The following SLC25A47 variants were observed in gnomAD, a reference collection of about 807,000 sequenced individuals.
SLC25A47 encodes the protein HCC-down-regulated mitochondrial carrier protein.
A neutral mutation model predicts 29.8 loss-of-function variants in SLC25A47; 30 were observed. The observed-to-expected ratio is 1.01, with a 90% CI of 0.75 to 1.36. SLC25A47 has a LOEUF of 1.36. Ranked by LOEUF, SLC25A47 falls within the 40% of genes most tolerant of loss-of-function variation. The probability of loss-of-function intolerance (pLI) is 0.00; values close to 1 mark genes in which losing one functional copy is unlikely to be tolerated. For missense variants in SLC25A47, 430 were observed against 441.9 expected (o/e 0.97, Z 0.24); for synonymous variants, 204 against 197.8 (o/e 1.03, Z -0.26).
In SLC25A47 at chr14:100,328,755, C is replaced by T. The variant is rs968494934; in HGVS notation, c.357C>T (p.Ala119=). The T allele has an allele frequency of 1.9e-6, 3 of 1,612,912 alleles. No individual in the cohort carries two copies. In the African/African-American group the frequency reaches 4.0e-5, roughly 22 times the overall value. ...RVFLTSPTEV[A]KVRLQTQTQA... ...TCCTGACGTCGCCCACTGAGGTGGC[C>T]AAAGTCCGCTTGCAGACGCAGACAC... The change falls in exon 5 of 6, where the codon GCC becomes GCT. Residue 119 remains alanine (A), a synonymous_variant. Coordinates refer to ENST00000361529, the MANE Select transcript of SLC25A47 (RefSeq NM_207117.4).
In SLC25A47 at chr14:100,328,638, C is replaced by T. The variant is rs781537226; in HGVS notation, c.328-88C>T. On this transcript the variant is annotated intron_variant, in intron 4 of 5. Coordinates refer to ENST00000361529, the MANE Select transcript of SLC25A47 (RefSeq NM_207117.4). The stretch of plus-strand genomic sequence containing the variant: ...TCGGGGCCCAACCTCCTGAGGTCAC[C>T]GTGAGCAACATGAGGCTGGTGGGAG... 177 of 1,399,008 alleles carry T rather than the reference C, an allele frequency of 1.3e-4. 1 individual carries two copies. The highest frequency in any genetic ancestry group is 1.6e-4 in the Non-Finnish European group (160 of 989,818). The allele number at this position is 1,399,008 out of a possible 1,614,324, so 86.7% of individuals were successfully genotyped here.
rs138627280 is a variant in SLC25A47 at position 100,328,772 on chromosome 14, C to T, written c.374C>T (p.Thr125Met). 37 of 1,612,938 alleles carry T rather than the reference C, an allele frequency of 2.3e-5. No individual in the cohort carries two copies. The highest frequency in any genetic ancestry group is 2.1e-4 in the African/African-American group (16 of 75,044). Reference protein sequence around the residue: ...PTEVAKVRLQTQTQAQKQQRR... With the variant: ...PTEVAKVRLQMQTQAQKQQRR... Reference sequence around the variant, plus strand: ...GAGGTGGCCAAAGTCCGCTTGCAGACGCAGACACAGGCGCAGAAGCAGCAG... The same window carrying T: ...GAGGTGGCCAAAGTCCGCTTGCAGATGCAGACACAGGCGCAGAAGCAGCAG... Residue 125 changes from threonine (T) to methionine (M), a missense_variant, in exon 5 of 6, where the codon ACG becomes ATG. By Grantham distance (81) the Thr-to-Met change is moderately conservative. Transcript: ENST00000361529.
chr14:100,328,092 G>A (rs1566824993), intron 4 of SLC25A47, among the ~76,000 whole-genome samples: 1 of 151,434 alleles, frequency 6.6e-6, no homozygotes, highest in Non-Finnish European at 1.5e-5. Context: ...CCCACAAAGT[G>A]GCAGCCAGTA....
chr14:100,328,182 G>A (rs982007331), intron 4 of SLC25A47, among the ~76,000 whole-genome samples: 11 of 145,902 alleles, frequency 7.5e-5, no homozygotes, highest in Admixed American at 2.1e-4. Context: ...CACCATCTCC[G>A]CTCACTACAA....
chr14:100,329,225 A>T, intron 5 of SLC25A47, 140 bp from the exon 6 acceptor site: 1 of 1,195,404 alleles, frequency 8.4e-7, no homozygotes, highest in Non-Finnish European at 1.2e-6. Flanking sequence ...TCACAGAGTC[A>T]GTGTGTGGTT....
chr14:100,326,249 T>G (rs777561888), intron 3 of SLC25A47, 21 bp downstream of exon 3: 1 of 1,610,860 alleles, frequency 6.2e-7, no homozygotes, highest in East Asian at 2.2e-5. Context: ...GGCCAGGGGC[T>G]GGGTAGGGAG....
rs1179766275 is a variant in SLC25A47, at chr14:100,329,504, G to T, written c.786G>T (p.Met262Ile). The change falls in exon 6 of 6, where the codon ATG becomes ATT. Residue 262 changes from methionine to isoleucine, a missense_variant. By Grantham distance (10) the Met-to-Ile change is conservative. Coordinates refer to ENST00000361529, the MANE Select transcript of SLC25A47 (RefSeq NM_207117.4). ...QRRYRGLLHC[M>I]VTSVREEGPR... ...GCTACCGGGGTCTCCTGCACTGTATGGTGACCAGCGTTCGAGAGGAGGGAC... is the reference window on the plus strand; with the variant it reads ...GCTACCGGGGTCTCCTGCACTGTATTGTGACCAGCGTTCGAGAGGAGGGAC... 6.8e-6 allele frequency: 11 copies of T among 1,613,320 alleles called. No homozygotes were observed. Among genetic ancestry groups the T allele is most frequent in the South Asian group, 1.1e-5 (1 of 91,094 alleles).
At chr14:100,326,669 A>G (rs1255088841) in intron 3 of SLC25A47, among the ~76,000 whole-genome samples, 2 of 152,158 alleles carry the variant, frequency 1.3e-5, no homozygotes, top group Non-Finnish European at 2.9e-5. Context: ...GTGGCAGAAC[A>G]TGCTGTTACT....
chr14:100,329,662 G>C lies in SLC25A47; in HGVS notation c.*17G>C, dbSNP rs769564458. 6.3e-7 allele frequency: 1 copy of C among 1,593,718 alleles called. No homozygotes were observed. Among genetic ancestry groups the C allele is most frequent in the Non-Finnish European group, 8.6e-7 (1 of 1,169,022 alleles). ...CTCACATAGCCGGTCCCCACGCCCA[G>C]CGGCCCACCCACCAGCAGCTGCTGG... On this transcript the variant is annotated 3_prime_UTR_variant, in exon 6 of 6. Coordinates refer to ENST00000361529, the MANE Select transcript of SLC25A47 (RefSeq NM_207117.4).
chr14:100,326,080 T>A (rs1458519371), intron 2 of SLC25A47, 77 bp from the exon 3 acceptor site: 4 of 1,285,184 alleles, frequency 3.1e-6, no homozygotes, highest in Non-Finnish European at 4.4e-6. Flanking sequence ...AGAGTGTGAC[T>A]CTGCCCCTTC....
Position 100,329,319 on chromosome 14 carries a change from G to GCGCC in SLC25A47, c.647-44_647-41dup, listed in dbSNP as rs1555376252. 3.9e-6 allele frequency: 6 copies of GCGCC among 1,544,450 alleles called. No homozygotes were observed. The African/African-American group carries it at 8.2e-5, about 21-fold the overall frequency. On this transcript the variant is annotated intron_variant, in intron 5 of 5. Coordinates refer to ENST00000361529, the MANE Select transcript of SLC25A47 (RefSeq NM_207117.4). ...GTGAGTCCAGGGTGCGCTGCCCTGGGCGCCCCGATCAGGCTCCCAGTCAAG... is the reference window on the plus strand; with the variant it reads ...GTGAGTCCAGGGTGCGCTGCCCTGGGCGCCCGCCCCGATCAGGCTCCCAGTCAAG...
Position 100,329,547 on chromosome 14 carries a change from G to C in SLC25A47, c.829G>C (p.Gly277Arg). 6.2e-7 allele frequency: 1 copy of C among 1,613,634 alleles called. No homozygotes were observed. Among genetic ancestry groups the C allele is most frequent in the Non-Finnish European group, 8.5e-7 (1 of 1,180,008 alleles). ...GGAGGGACCCCGGGTCCTTTTCAAG[G>C]GGCTGGTACTCAATTGCTGCCGCGC... Reference protein sequence around the residue: ...REEGPRVLFKGLVLNCCRAFP... With the variant: ...REEGPRVLFKRLVLNCCRAFP... The change falls in exon 6 of 6, where the codon GGG becomes CGG. Residue 277 changes from glycine (G) to arginine (R), a missense_variant. Physicochemically the swap from Gly to Arg is moderately radical, Grantham distance 125 (BLOSUM62 -2). Transcript: ENST00000361529.
intron 4 of SLC25A47, among the ~76,000 whole-genome samples, chr14:100,328,087 A>C (rs1370734703): frequency 1.3e-5 from 2 of 151,898 alleles, no homozygotes; most frequent in African/African-American, 2.4e-5. Flanking sequence ...GAGTACCCAC[A>C]AAGTGGCAGC....
intron 4 of SLC25A47, among the ~76,000 whole-genome samples, 166 bp downstream of exon 4, chr14:100,327,536 G>A (rs910634599): frequency 9.2e-5 from 14 of 152,260 alleles, no homozygotes; most frequent in Admixed American, 9.2e-4. Flanking sequence ...GCCTAGGCTG[G>A]GCCTGGAACC....
rs149858549 is a variant in SLC25A47 at position 100,327,248 on chromosome 14, G to C, written c.205G>C (p.Val69Leu). ...PVCTVSLVSS[V>L]SFGTYRHCLA... ...GTGCACGGTGTCCCTGGTATCTTCC[G>C]TGTCTTTTGGCACCTACCGCCACTG... The change falls in exon 4 of 6, where the codon GTG becomes CTG. Residue 69 changes from valine (V) to leucine (L), a missense_variant. Coordinates refer to ENST00000361529, the MANE Select transcript of SLC25A47 (RefSeq NM_207117.4). 5.0e-6 allele frequency: 8 copies of C among 1,609,056 alleles called. No homozygotes were observed. The highest frequency in any genetic ancestry group is 6.8e-6 in the Non-Finnish European group (8 of 1,179,950).
chr14:100,326,596 C>T (rs554040617), intron 3 of SLC25A47, among the ~76,000 whole-genome samples: 2 of 152,286 alleles, frequency 1.3e-5, no homozygotes, highest in African/African-American at 4.8e-5. Flanking sequence ...CAGTACTTGG[C>T]GACATTCTCC....
chr14:100,327,139 G>A, intron 3 of SLC25A47, 49 bp from the exon 4 acceptor site: 1 of 1,534,472 alleles, frequency 6.5e-7, no homozygotes. Flanking sequence ...CCCTCGGGTG[G>A]CTCCTCCTCC....
At chr14:100,324,635 C>T (rs1893305818) in intron 1 of SLC25A47, among the ~76,000 whole-genome samples, 1 of 152,212 alleles carries the variant, frequency 6.6e-6, no homozygotes, top group Non-Finnish European at 1.5e-5. Flanking sequence ...GAAAGGGCTC[C>T]TGAGTCTGGC....
intron 4 of SLC25A47, 111 bp from the exon 5 acceptor site, chr14:100,328,615 G>C: frequency 8.5e-7 from 1 of 1,179,864 alleles, no homozygotes; most frequent in South Asian, 1.3e-5. Context: ...GCAGGGTCTC[G>C]GGGCCCAACC....
Sources: gnomAD v4.1 joint callset for allele counts (sites outside exome capture counted in the v4.1 genomes callset) on GRCh38, gnomAD v4.1.1 for gene constraint, MANE v1.5 for transcripts, NCBI Gene and HGNC (gene_info 2026-07-23, HGNC 2026-07-21) for gene names.